VARS2: variants seen among roughly 807,000 people sequenced by gnomAD.
The protein encoded by VARS2 is valine--tRNA ligase, mitochondrial.
In VARS2, 105 loss-of-function variants were observed where a neutral mutation model predicts 154.1. The ratio of observed to expected loss-of-function variants is 0.68; its 90% CI spans 0.58 to 0.80. The LOEUF (loss-of-function observed/expected upper bound fraction) is 0.80, where lower values mean the gene tolerates loss of function less well. VARS2 is among the 30% of genes least tolerant of loss of function. The pLI, the probability that VARS2 is intolerant of heterozygous loss-of-function variation, is 0.00. For missense variants in VARS2, 1,157 were observed against 1,361.4 expected (o/e 0.85, Z 2.36); for synonymous variants, 483 against 539.5 (o/e 0.90, Z 1.45).
In VARS2 at chr6:30,922,141, C is replaced by G; in HGVS notation, c.1832C>G (p.Pro611Arg). ...ACCCCAGACCTTGCTCGTTTCTACC[C>G]CCTGTCACTTTTGGAAACGGGCAGC... ...QETPDLARFYPLSLLETGSDL... is the reference protein window; with the variant it reads ...QETPDLARFYRLSLLETGSDL... The change falls in exon 20 of 30, where the codon CCC becomes CGC. Residue 611 changes from proline (P) to arginine (R), a missense_variant. Coordinates refer to ENST00000676266, the MANE Select transcript of VARS2 (RefSeq NM_020442.6). 1 of 1,612,750 alleles carries G rather than the reference C, an allele frequency of 6.2e-7. No homozygotes were observed. The highest frequency in any genetic ancestry group is 8.5e-7 in the Non-Finnish European group (1 of 1,179,928).
intron 1 of VARS2, chr6:30,914,609 G>C: frequency 8.5e-7 from 1 of 1,176,108 alleles, no homozygotes. Context: ...CCCTGTTCCG[G>C]AAGAGCCCTG....
Position 30,916,428 on chromosome 6 carries a change from G to T in VARS2, c.671+179G>T. 1 of 556,216 alleles carries T rather than the reference G, an allele frequency of 1.8e-6. No homozygotes were observed. 34.5% of individuals were successfully genotyped at this position (556,216 alleles called of 1,614,324 possible). ...GGAGTTTCTAAGCCTTATGTGTGTG[G>T]ATATTATATATGCATTAGAATATTC... is the stretch of plus-strand genomic sequence containing the variant. On this transcript the variant is annotated intron_variant, in intron 7 of 29. Coordinates refer to ENST00000676266, the MANE Select transcript of VARS2 (RefSeq NM_020442.6). This position sits in a 1 kb window ranked among gnomAD's most constrained non-coding sequence, Gnocchi z 4.0.
Position 30,914,916 on chromosome 6 carries a change from C to T in VARS2, c.80C>T (p.Ser27Phe), listed in dbSNP as rs1277415716. ...RHSRGLPRFH[S>F]VSTQSEPHGS... ...TCACGGGGCCTCCCCAGGTTTCACT[C>T]CGTTTCTACACAGTCGGAGCCCCAT... The change falls in exon 2 of 30, where the codon TCC becomes TTC. Residue 27 changes from serine (S) to phenylalanine (F), a missense_variant. By Grantham distance (155) the Ser-to-Phe change is radical. Transcript: ENST00000676266. 22 of 1,612,980 alleles carry T rather than the reference C, an allele frequency of 1.4e-5. No homozygotes were observed. The highest frequency in any genetic ancestry group is 1.9e-5 in the Non-Finnish European group (22 of 1,180,052).
Position 30,920,140 on chromosome 6 carries a change from C to T in VARS2, c.1217C>T (p.Ala406Val). The T allele has an allele frequency of 6.3e-7, 1 of 1,589,972 alleles. No individual in the cohort carries two copies. Among genetic ancestry groups the T allele is most frequent in the Non-Finnish European group, 8.6e-7 (1 of 1,168,190 alleles). Residue 406 changes from alanine (A) to valine (V), a missense_variant, in exon 13 of 30, where the codon GCC becomes GTC. Coordinates refer to ENST00000676266, the MANE Select transcript of VARS2 (RefSeq NM_020442.6). The surrounding 1 kb of genome is among the most constrained non-coding windows in gnomAD (Gnocchi z 4.6). Reference protein sequence around the residue: ...AHSPADAEMGARHGLSPLNVI... With the variant: ...AHSPADAEMGVRHGLSPLNVI... Reference sequence around the variant, plus strand: ...AGTCCTGCCGATGCTGAGATGGGGGCCCGACATGGCTTGAGCCCCTTGAAT... The same window carrying T: ...AGTCCTGCCGATGCTGAGATGGGGGTCCGACATGGCTTGAGCCCCTTGAAT...
chr6:30,917,851 C>T lies in VARS2; in HGVS notation c.985+45C>T. 3.2e-6 allele frequency: 5 copies of T among 1,542,142 alleles called. No homozygotes were observed. Among genetic ancestry groups the T allele is most frequent in the Non-Finnish European group, 4.4e-6 (5 of 1,138,742 alleles). Reference sequence around the variant, plus strand: ...GGGTCACCCGTTTACCTCCATTTTTCCTGTTTTCTGAAGCCCATGTTGGGC... The same window carrying T: ...GGGTCACCCGTTTACCTCCATTTTTTCTGTTTTCTGAAGCCCATGTTGGGC... On this transcript the variant is annotated intron_variant, in intron 10 of 29. Coordinates refer to ENST00000676266, the MANE Select transcript of VARS2 (RefSeq NM_020442.6). The surrounding 1 kb of genome is among the most constrained non-coding windows in gnomAD (Gnocchi z 4.4).
chr6:30,921,822 C>T lies in VARS2; in HGVS notation c.1736-103C>T. ...TGGGAATGGAGCCAAAGGGGACAGC[C>T]CTGGTCTCTGGGGGTGGGGGTTGGC... On this transcript the variant is annotated intron_variant, in intron 18 of 29. Coordinates refer to ENST00000676266, the MANE Select transcript of VARS2 (RefSeq NM_020442.6). The surrounding 1 kb of genome is among the most constrained non-coding windows in gnomAD (Gnocchi z 4.6). 1 of 1,563,910 alleles carries T rather than the reference C, an allele frequency of 6.4e-7. No homozygotes were observed. Among genetic ancestry groups the T allele is most frequent in the African/African-American group, 1.4e-5 (1 of 73,918 alleles).
Position 30,917,017 on chromosome 6 carries a change from G to C in VARS2, c.753+58G>C. 6.2e-7 allele frequency: 1 copy of C among 1,613,442 alleles called. No individual in the cohort carries two copies. The highest frequency in any genetic ancestry group is 8.5e-7 in the Non-Finnish European group (1 of 1,179,386). On this transcript the variant is annotated intron_variant, in intron 8 of 29. Transcript: ENST00000676266. This position sits in a 1 kb window ranked among gnomAD's most constrained non-coding sequence, Gnocchi z 4.4. ...ATGGGCGATGTTTAGGGATCTGTGT[G>C]GGGCAGGGAGGAAGCAATGCCTGGG...
At chr6:30,914,382 A>G in intron 1 of VARS2, 38 bp downstream of exon 1, 1 of 1,249,810 alleles carries the variant, frequency 8.0e-7, no homozygotes. Context: ...GAAGTGGGAG[A>G]CGCTGCGGGT....
chr6:30,918,030 C>T (rs1171065259), intron 10 of VARS2, among the ~76,000 whole-genome samples: 2 of 151,948 alleles, frequency 1.3e-5, no homozygotes, highest in Non-Finnish European at 2.9e-5. Context: ...GTGCGCTACC[C>T]AGGAAAGAGA....
Position 30,916,373 on chromosome 6 carries a change from T to TCTCTGA in VARS2, c.671+124_671+125insCTCTGA. 3.9e-6 allele frequency: 3 copies of TCTCTGA among 777,678 alleles called. No homozygotes were observed. The highest frequency in any genetic ancestry group is 1.9e-5 in the South Asian group (1 of 52,218). The allele number at this position is 777,678 out of a possible 1,614,324, so 48.2% of individuals were successfully genotyped here. On this transcript the variant is annotated intron_variant, in intron 7 of 29. Transcript: ENST00000676266. This position sits in a 1 kb window ranked among gnomAD's most constrained non-coding sequence, Gnocchi z 4.0. ...GACACAGCTCTGACTTCCTCAGAGA[T>TCTCTGA]GGAAGCTCTGGAGCCTGTTAACATT...
chr6:30,922,072 G>T, intron 19 of VARS2, 44 bp from the exon 20 acceptor site: 1 of 1,612,754 alleles, frequency 6.2e-7, no homozygotes, highest in Non-Finnish European at 8.5e-7. Context: ...GAGGCTTGAG[G>T]GGGGCCTGGG....
In VARS2 at chr6:30,920,465, G is replaced by A; in HGVS notation, c.1397+29G>A. On this transcript the variant is annotated intron_variant, in intron 14 of 29. Transcript: ENST00000676266. This position sits in a 1 kb window ranked among gnomAD's most constrained non-coding sequence, Gnocchi z 4.6. ...ACCTCATTTTAACTCCTTTACTAAG[G>A]GCTACCCCAAAAGGGAATGTATGGA... The A allele has an allele frequency of 6.3e-7, 1 of 1,577,850 alleles. No homozygotes were observed. Among genetic ancestry groups the A allele is most frequent in the Non-Finnish European group, 8.6e-7 (1 of 1,163,532 alleles).
In VARS2 at chr6:30,921,821, C is replaced by A; in HGVS notation, c.1736-104C>A. On this transcript the variant is annotated intron_variant, in intron 18 of 29. Transcript: ENST00000676266. The surrounding 1 kb of genome is among the most constrained non-coding windows in gnomAD (Gnocchi z 4.6). ...TTGGGAATGGAGCCAAAGGGGACAGCCCTGGTCTCTGGGGGTGGGGGTTGG... is the reference window on the plus strand; with the variant it reads ...TTGGGAATGGAGCCAAAGGGGACAGACCTGGTCTCTGGGGGTGGGGGTTGG... 1 of 1,561,000 alleles carries A rather than the reference C, an allele frequency of 6.4e-7. No homozygotes were observed. The highest frequency in any genetic ancestry group is 8.8e-7 in the Non-Finnish European group (1 of 1,138,104).
Position 30,921,253 on chromosome 6 carries a change from T to A in VARS2, c.1580T>A (p.Leu527Gln). 6.2e-7 allele frequency: 1 copy of A among 1,614,074 alleles called. No homozygotes were observed. The highest frequency in any genetic ancestry group is 8.5e-7 in the Non-Finnish European group (1 of 1,180,018). Residue 527 changes from leucine to glutamine, a missense_variant, in exon 17 of 30, where the codon CTG (leucine) becomes CAG (glutamine). Physicochemically the swap from Leu to Gln is moderately radical, Grantham distance 113. Coordinates refer to ENST00000676266, the MANE Select transcript of VARS2 (RefSeq NM_020442.6). The surrounding 1 kb of genome is among the most constrained non-coding windows in gnomAD (Gnocchi z 4.6). ...AGGGACTGGTGTGTCTCCCGGCAGC[T>A]GTGGTGGGGCCATCAGATTCCAGCC... The part of the protein sequence containing the change: ...HIGDWCVSRQ[L>Q]WWGHQIPAYL...
intron 25 of VARS2, chr6:30,923,930 C>T (rs1201430734): frequency 1.4e-5 from 5 of 349,998 alleles, no homozygotes; most frequent in South Asian, 1.2e-4. Flanking sequence ...TGGATCCCCC[C>T]CGCTCCACTG....
chr6:30,925,683 A>G lies in VARS2; in HGVS notation c.2925A>G (p.Pro975=). The G allele has an allele frequency of 6.2e-7, 1 of 1,610,926 alleles. No individual in the cohort carries two copies. The highest frequency in any genetic ancestry group is 8.5e-7 in the Non-Finnish European group (1 of 1,179,692). The stretch of plus-strand genomic sequence containing the variant: ...CTCCCTCCGGCTGGGCCCAGGCTCC[A>G]CTCAGTGACACGGCTCAAGTCTACA... ...AAAPSGWAQA[P]LSDTAQVYME... is the part of the protein sequence containing the mutation. The change falls in exon 28 of 30, where the codon CCA becomes CCG. Residue 975 remains proline (P), a synonymous_variant. Transcript: ENST00000676266.
intron 26 of VARS2, among the ~76,000 whole-genome samples, chr6:30,924,918 C>T (rs1794745499): frequency 6.6e-6 from 1 of 152,172 alleles, no homozygotes; most frequent in South Asian, 2.1e-4. Flanking sequence ...GCTTTAATAA[C>T]TTCAGAAGGA....
Position 30,915,440 on chromosome 6 carries a change from C to A in VARS2, c.369C>A (p.Phe123Leu). ...CGTGGTGGGTACGAGAGGGCTTCTT[C>A]AAACCAGAATATCAGGTTAGTATCT... is the stretch of plus-strand genomic sequence containing the variant. Reference protein sequence around the residue: ...WYPWWVREGFFKPEYQARLPQ... With the variant: ...WYPWWVREGFLKPEYQARLPQ... The change falls in exon 4 of 30, where the codon TTC (phenylalanine) becomes TTA (leucine). Residue 123 changes from phenylalanine to leucine, a missense_variant. Phe to Leu is a conservative substitution (Grantham distance 22). Coordinates refer to ENST00000676266, the MANE Select transcript of VARS2 (RefSeq NM_020442.6). 1 of 1,614,048 alleles carries A rather than the reference C, an allele frequency of 6.2e-7. No individual in the cohort carries two copies. The highest frequency in any genetic ancestry group is 8.5e-7 in the Non-Finnish European group (1 of 1,180,010).
At position 30,920,087 on chromosome 6, in the gene VARS2, A is replaced by G. The variant is rs781235011; in HGVS notation, c.1166-2A>G. On this transcript the variant is annotated splice_acceptor_variant, in intron 12 of 29. Coordinates refer to ENST00000676266, the MANE Select transcript of VARS2 (RefSeq NM_020442.6). LOFTEE classifies it high-confidence loss of function. The surrounding 1 kb of genome is among the most constrained non-coding windows in gnomAD (Gnocchi z 4.6). ...GTACTCACCATGGCTGTGCTCCCCA[A>G]GGGGCAGTGAAGGTGACTCCAGCTC... The G allele has an allele frequency of 3.3e-6, 5 of 1,535,632 alleles. No individual in the cohort carries two copies. The highest frequency in any genetic ancestry group is 1.3e-5 in the South Asian group (1 of 77,676).
Sources: gnomAD v4.1 joint callset for allele counts (sites outside exome capture counted in the v4.1 genomes callset) on GRCh38, gnomAD v4.1.1 for gene constraint, Gnocchi (gnomAD v3.1) non-coding constraint, MANE v1.5 for transcripts, NCBI Gene and HGNC (gene_info 2026-07-23, HGNC 2026-07-21) for gene names.